SLC9A8: variants seen among roughly 807,000 people sequenced by gnomAD.
The protein encoded by SLC9A8 is solute carrier family 9 member A8.
SLC9A8 carries 48 observed loss-of-function variants against 66.6 expected under a neutral mutation model. That is an observed-to-expected ratio of 0.72 (90% CI 0.57 to 0.92). The LOEUF (loss-of-function observed/expected upper bound fraction) is 0.92, where lower values mean the gene tolerates loss of function less well. Among genes scored for constraint, SLC9A8 ranks in the 40% least tolerant of loss-of-function variants. The pLI, the probability that SLC9A8 is intolerant of heterozygous loss-of-function variation, is 0.00. For missense variants in SLC9A8, 599 were observed against 747.3 expected (o/e 0.80, Z 2.31); for synonymous variants, 274 against 282.6 (o/e 0.97, Z 0.31).
intron 2 of SLC9A8, among the ~76,000 whole-genome samples, chr20:49,818,823 T>G (rs564446504): frequency 6.6e-6 from 1 of 152,322 alleles, no homozygotes; most frequent in South Asian, 2.1e-4. Flanking sequence ...GTTTTAAAAA[T>G]TGCTGTTATT....
chr20:49,841,032 C>T (rs749721237), intron 4 of SLC9A8, among the ~76,000 whole-genome samples: 11 of 150,878 alleles, frequency 7.3e-5, no homozygotes, highest in African/African-American at 1.7e-4. Context: ...TGGGCGGGTG[C>T]GGTGGCTCAT....
chr20:49,814,083 G>C (rs1402967096), intron 1 of SLC9A8, among the ~76,000 whole-genome samples: 1 of 152,178 alleles, frequency 6.6e-6, no homozygotes, highest in Non-Finnish European at 1.5e-5. Context: ...TTGGCCATGT[G>C]GGGGTCATTT....
At chr20:49,860,884 G>A (rs944756151) in intron 8 of SLC9A8, among the ~76,000 whole-genome samples, 1 of 152,184 alleles carries the variant, frequency 6.6e-6, no homozygotes, top group Non-Finnish European at 1.5e-5. Flanking sequence ...ATAAGGCAGC[G>A]AACAAGATGG....
At chr20:49,818,246 T>G (rs2086624604) in intron 2 of SLC9A8, among the ~76,000 whole-genome samples, 1 of 152,186 alleles carries the variant, frequency 6.6e-6, no homozygotes, top group South Asian at 2.1e-4. Context: ...ATATTTCTCT[T>G]GGATTGCCCT....
At chr20:49,863,122 G>A (rs1312964879) in intron 9 of SLC9A8, 55 bp downstream of exon 9, 1 of 1,478,600 alleles carries the variant, frequency 6.8e-7, no homozygotes, top group African/African-American at 1.4e-5. Context: ...GATAACTTCT[G>A]TCTCTAGCCA....
At chr20:49,849,006 C>T (rs1251556372) in intron 5 of SLC9A8, among the ~76,000 whole-genome samples, 2 of 152,138 alleles carry the variant, frequency 1.3e-5, no homozygotes, top group Non-Finnish European at 2.9e-5. Flanking sequence ...TTGTCAACCG[C>T]TACAAGAGAG....
intron 8 of SLC9A8, among the ~76,000 whole-genome samples, chr20:49,862,321 G>T (rs2088776806): frequency 6.6e-6 from 1 of 151,908 alleles, no homozygotes; most frequent in Admixed American, 6.6e-5. Flanking sequence ...GAGTGTAGTT[G>T]TGCGATCTTG....
chr20:49,841,165 A>G (rs1410545801), intron 4 of SLC9A8, among the ~76,000 whole-genome samples: 1 of 151,916 alleles, frequency 6.6e-6, no homozygotes, highest in East Asian at 1.9e-4. Flanking sequence ...AAGTAGCTGG[A>G]CGTGGTGGCA....
chr20:49,849,781 TTC>T, intron 6 of SLC9A8, 101 bp downstream of exon 6: 1 of 908,882 alleles, frequency 1.1e-6, no homozygotes, highest in Non-Finnish European at 1.8e-6. Context: ...GGGCCTGGGT[TTC>T]ACCCTTAAGG....
At chr20:49,887,024 C>T (rs927366218) in intron 15 of SLC9A8, 126 bp downstream of exon 15, 11 of 1,016,660 alleles carry the variant, frequency 1.1e-5, no homozygotes, top group African/African-American at 6.5e-5. Context: ...CCCGCCAGGC[C>T]GCCGCCTCCC....
At chr20:49,823,182 ATAAC>A in intron 3 of SLC9A8, 41 bp downstream of exon 3, 1 of 1,478,152 alleles carries the variant, frequency 6.8e-7, no homozygotes, top group Non-Finnish European at 9.4e-7. Context: ...AGCAGTAACA[ATAAC>A]TACCATTTTT....
At chr20:49,834,329 CT>C in intron 3 of SLC9A8, among the ~76,000 whole-genome samples, 1 of 97,576 alleles carries the variant, frequency 1.0e-5, no homozygotes, top group African/African-American at 4.9e-5. Context: ...TATATATATA[CT>C]GTGTATATAT....
chr20:49,845,465 CTG>C (rs1162857278), intron 5 of SLC9A8, among the ~76,000 whole-genome samples: 1 of 152,206 alleles, frequency 6.6e-6, no homozygotes, highest in African/African-American at 2.4e-5. Flanking sequence ...AGAGGATAGA[CTG>C]TGTCCTGGGA....
intron 8 of SLC9A8, among the ~76,000 whole-genome samples, chr20:49,859,816 C>G (rs1174840868): frequency 1.3e-5 from 2 of 152,156 alleles, no homozygotes; most frequent in East Asian, 3.8e-4. Flanking sequence ...AGCTTAAGCT[C>G]ATGAAATGGA....
At position 49,887,892 on chromosome 20, in the gene SLC9A8, C is replaced by G; in HGVS notation, c.1702C>G (p.Gln568Glu). The G allele has an allele frequency of 6.2e-7, 1 of 1,613,830 alleles. No individual in the cohort carries two copies. Among genetic ancestry groups the G allele is most frequent in the Non-Finnish European group, 8.5e-7 (1 of 1,179,888 alleles). Reference protein sequence around the residue: ...LTNKWYEEVRQGPSGSEDDEQ... With the variant: ...LTNKWYEEVREGPSGSEDDEQ... ...CAACAAGTGGTACGAGGAGGTACGC[C>G]AGGGCCCCTCCGGCTCCGAGGACGA... Residue 568 changes from glutamine (Q) to glutamate (E), a missense_variant, in exon 16 of 16, where the codon CAG becomes GAG. By Grantham distance (29) the Gln-to-Glu change is conservative (BLOSUM62 2). Coordinates refer to ENST00000361573, the MANE Select transcript of SLC9A8 (RefSeq NM_015266.3).
At chr20:49,818,039 A>AG (rs1417690265) in intron 2 of SLC9A8, among the ~76,000 whole-genome samples, 1 of 152,094 alleles carries the variant, frequency 6.6e-6, no homozygotes, top group East Asian at 1.9e-4. Context: ...GAAAAAAAAA[A>AG]CTTTTGTAAT....
At chr20:49,834,348 CTG>C (rs1332917711) in intron 3 of SLC9A8, among the ~76,000 whole-genome samples, 2 of 69,154 alleles carry the variant, frequency 2.9e-5, no homozygotes, top group South Asian at 3.8e-4. Context: ...TATATATATA[CTG>C]TATATATATA....
chr20:49,861,867 C>T (rs1372430942), intron 8 of SLC9A8, among the ~76,000 whole-genome samples: 1 of 152,132 alleles, frequency 6.6e-6, no homozygotes, highest in Non-Finnish European at 1.5e-5. Context: ...TAAATCCTCC[C>T]TCTCAGCCTG....
intron 1 of SLC9A8, 122 bp from the exon 2 acceptor site, chr20:49,814,886 C>T (rs1568779418): frequency 7.2e-6 from 5 of 692,830 alleles, no homozygotes; most frequent in Non-Finnish European, 6.6e-6. Flanking sequence ...CGAAGGCCTG[C>T]CTGTTAAAGA....
Sources: allele counts gnomAD v4.1 joint callset (sites outside exome capture counted in the v4.1 genomes callset), GRCh38; gene constraint gnomAD v4.1.1; transcripts MANE v1.5; gene names NCBI Gene and HGNC (gene_info 2026-07-23, HGNC 2026-07-21).